GALNTL6: variants seen among roughly 807,000 people sequenced by gnomAD.
GALNTL6 encodes polypeptide N-acetylgalactosaminyltransferase like 6, also known as polypeptide N-acetylgalactosaminyltransferase-like 6.
GALNTL6 carries 46 observed loss-of-function variants against 73.7 expected under a neutral mutation model. The observed-to-expected ratio is 0.62, with a 90% CI of 0.49 to 0.80. The LOEUF is 0.80. GALNTL6 is among the 30% of genes least tolerant of loss of function. The pLI, the probability that GALNTL6 is intolerant of heterozygous loss-of-function variation, is 0.00. For missense variants in GALNTL6, 604 were observed against 755.0 expected (o/e 0.80, Z 2.34); for synonymous variants, 259 against 263.7 (o/e 0.98, Z 0.17).
At chr4:172,123,266 C>A (rs1280093709) in intron 2 of GALNTL6, among the ~76,000 whole-genome samples, 8 of 152,034 alleles carry the variant, frequency 5.3e-5, no homozygotes, top group Admixed American at 1.3e-4. Context: ...AAAGAGACAG[C>A]AAAATTTTAT....
chr4:172,881,664 T>G (rs1020936550), intron 7 of GALNTL6, among the ~76,000 whole-genome samples: 2 of 152,210 alleles, frequency 1.3e-5, no homozygotes, highest in Non-Finnish European at 2.9e-5. Context: ...TATCAACATT[T>G]GAAATGTTGT....
intron 11 of GALNTL6, among the ~76,000 whole-genome samples, chr4:173,019,290 A>ATTC (rs1272894892): frequency 6.6e-6 from 1 of 152,214 alleles, no homozygotes; most frequent in Admixed American, 6.5e-5. Flanking sequence ...TCTGCAAGGA[A>ATTC]CTGGACATAA....
intron 5 of GALNTL6, among the ~76,000 whole-genome samples, chr4:172,424,382 A>T (rs1013375038): frequency 6.6e-6 from 1 of 152,120 alleles, no homozygotes; most frequent in African/African-American, 2.4e-5. Context: ...CACATTCTGC[A>T]TGTCTGTATT....
intron 4 of GALNTL6, among the ~76,000 whole-genome samples, chr4:172,329,085 A>T (rs1229820336): frequency 6.6e-6 from 1 of 152,210 alleles, no homozygotes; most frequent in Non-Finnish European, 1.5e-5. Context: ...AGTGAGGACC[A>T]GGACCTACAT....
At chr4:171,924,028 A>T (rs1252955238) in intron 2 of GALNTL6, among the ~76,000 whole-genome samples, 1 of 152,046 alleles carries the variant, frequency 6.6e-6, no homozygotes, top group African/African-American at 2.4e-5. Flanking sequence ...ATTGGTTGAA[A>T]ATAACTCTTA....
intron 5 of GALNTL6, among the ~76,000 whole-genome samples, chr4:172,563,224 G>C (rs147432104): frequency 3.9e-5 from 6 of 152,018 alleles, no homozygotes; most frequent in Non-Finnish European, 7.4e-5. Context: ...TGATTTCCAC[G>C]CACACTCTTC....
intron 2 of GALNTL6, among the ~76,000 whole-genome samples, chr4:172,083,548 T>G (rs1731943430): frequency 1.3e-5 from 2 of 152,186 alleles, no homozygotes; most frequent in African/African-American, 4.8e-5. Context: ...TAGAATTCCC[T>G]TAGATATTTC....
chr4:171,930,682 A>G (rs1241794279), intron 2 of GALNTL6, among the ~76,000 whole-genome samples: 1 of 152,070 alleles, frequency 6.6e-6, no homozygotes, highest in African/African-American at 2.4e-5. Context: ...TAAAAAATAA[A>G]AAAAATAGCC....
chr4:172,584,564 A>G (rs898786569), intron 5 of GALNTL6, among the ~76,000 whole-genome samples: 1 of 152,202 alleles, frequency 6.6e-6, no homozygotes, highest in Non-Finnish European at 1.5e-5. Context: ...CCAAGAAATT[A>G]AACGTTGTGA....
intron 2 of GALNTL6, among the ~76,000 whole-genome samples, chr4:172,050,734 T>C (rs773380259): frequency 7.2e-5 from 11 of 152,312 alleles, no homozygotes; most frequent in Middle Eastern, 3.4e-3. Context: ...ATTCCTTATA[T>C]ACTTCTCCAG....
intron 5 of GALNTL6, among the ~76,000 whole-genome samples, chr4:172,592,714 A>ATCTATCTATCTATCTG (rs1195273267): frequency 5.3e-5 from 8 of 151,966 alleles, no homozygotes; most frequent in Non-Finnish European, 8.8e-5. Context: ...CTATCTATCT[A>ATCTATCTATCTATCTG]TCGAGAGAGA....
rs1737816046 is a variant in GALNTL6 at position 172,595,451 on chromosome 4, A to G, written c.554-213910A>G. 2.0e-5 allele frequency among the ~76,000 whole-genome samples: 3 copies of G among 152,312 alleles called. No homozygotes were observed. The South Asian group carries it at 6.2e-4, about 32-fold the overall frequency. On this transcript the variant is annotated intron_variant, in intron 5 of 12. Coordinates refer to ENST00000506823, the MANE Select transcript of GALNTL6 (RefSeq NM_001034845.3). Reference sequence around the variant, plus strand: ...CACATGAATAGAAGCTATTGAACCCATCTAGTGTTAAGAGAGATCACAATA... The same window carrying G: ...CACATGAATAGAAGCTATTGAACCCGTCTAGTGTTAAGAGAGATCACAATA...
chr4:172,489,510 T>C (rs1434661031), intron 5 of GALNTL6, among the ~76,000 whole-genome samples: 1 of 152,256 alleles, frequency 6.6e-6, no homozygotes, highest in African/African-American at 2.4e-5. Flanking sequence ...TGAATAGTTA[T>C]GATATGTGTA....
intron 5 of GALNTL6, among the ~76,000 whole-genome samples, chr4:172,725,079 G>A (rs1344724384): frequency 6.6e-6 from 1 of 152,050 alleles, no homozygotes; most frequent in Non-Finnish European, 1.5e-5. Context: ...TGTTAGTACT[G>A]AATTAGTTTG....
At chr4:172,893,346 G>GC (rs1746146230) in intron 8 of GALNTL6, among the ~76,000 whole-genome samples, 1 of 98,138 alleles carries the variant, frequency 1.0e-5, no homozygotes, top group African/African-American at 4.0e-5. Flanking sequence ...TGAGAGTGGC[G>GC]GGGGGGGGGT....
At chr4:171,844,400 A>G (rs1396245753) in intron 2 of GALNTL6, among the ~76,000 whole-genome samples, 2 of 152,134 alleles carry the variant, frequency 1.3e-5, no homozygotes, top group African/African-American at 4.8e-5. Flanking sequence ...TAGAGGCACC[A>G]TCATTATTTT....
chr4:172,357,630 T>TAC (rs1386476635), intron 5 of GALNTL6, among the ~76,000 whole-genome samples: 1 of 9,656 alleles, frequency 1.0e-4, no homozygotes, highest in Non-Finnish European at 4.7e-4. Flanking sequence ...TATATATAGA[T>TAC]ATATACACAC....
chr4:172,543,845 A>C (rs1735661042), intron 5 of GALNTL6, among the ~76,000 whole-genome samples: 1 of 152,226 alleles, frequency 6.6e-6, no homozygotes, highest in Non-Finnish European at 1.5e-5. Context: ...GATGAAGATA[A>C]TGCAATGCTT....
chr4:172,079,011 A>C (rs1560913462), intron 2 of GALNTL6, among the ~76,000 whole-genome samples: 1 of 152,114 alleles, frequency 6.6e-6, no homozygotes, highest in Non-Finnish European at 1.5e-5. Context: ...TCATCTGCAA[A>C]TGTATGTTTA....
Sources: allele counts gnomAD v4.1 joint callset (sites outside exome capture counted in the v4.1 genomes callset), GRCh38; gene constraint gnomAD v4.1.1; transcripts MANE v1.5; gene names NCBI Gene and HGNC (gene_info 2026-07-23, HGNC 2026-07-21).